The following MLLT10 variants were observed in gnomAD, a reference collection of about 807,000 sequenced individuals.
MLLT10 encodes MLLT10 histone lysine methyltransferase DOT1L cofactor.
In MLLT10, 30 loss-of-function variants were observed where a neutral mutation model predicts 129.1. That is an observed-to-expected ratio of 0.23 (90% CI 0.17 to 0.32). The LOEUF (loss-of-function observed/expected upper bound fraction) is 0.32, where lower values mean the gene tolerates loss of function less well. Ranked by LOEUF, MLLT10 falls within the 10% of genes least tolerant of loss-of-function variation. MLLT10 has a pLI of 1.00. For missense variants in MLLT10, 1,119 were observed against 1,268.3 expected (o/e 0.88, Z 1.79); for synonymous variants, 490 against 446.4 (o/e 1.10, Z -1.23).
chr10:21,603,219 A>ATTT (rs75168518), intron 5 of MLLT10, among the ~76,000 whole-genome samples: 3 of 128,658 alleles, frequency 2.3e-5, no homozygotes, highest in Non-Finnish European at 5.0e-5. Context: ...TGCTCGGCTA[A>ATTT]TTTTTTTTTT....
chr10:21,680,858 G>C (rs917630886), intron 11 of MLLT10, among the ~76,000 whole-genome samples: 7 of 151,896 alleles, frequency 4.6e-5, no homozygotes, highest in African/African-American at 1.7e-4. Flanking sequence ...TGTAGTCCCA[G>C]CTATTTGGGA....
At chr10:21,550,313 A>G (rs1184619440) in intron 3 of MLLT10, among the ~76,000 whole-genome samples, 1 of 152,138 alleles carries the variant, frequency 6.6e-6, no homozygotes, top group Non-Finnish European at 1.5e-5. Context: ...ATTTCTGTGC[A>G]GCTTCCCTAG....
intron 5 of MLLT10, among the ~76,000 whole-genome samples, chr10:21,604,376 G>A (rs1464073689): frequency 1.3e-5 from 2 of 152,090 alleles, no homozygotes; most frequent in African/African-American, 2.4e-5. Context: ...GATGACCTGA[G>A]GTCAGGAGTT....
chr10:21,547,596 C>T (rs1007660423), intron 3 of MLLT10, among the ~76,000 whole-genome samples: 1 of 151,202 alleles, frequency 6.6e-6, no homozygotes, highest in African/African-American at 2.4e-5. Flanking sequence ...TCTCGGCTCA[C>T]TGCAACCTCC....
In MLLT10 at chr10:21,726,281, C is replaced by T. The variant is rs764597429; in HGVS notation, c.1916C>T (p.Pro639Leu). 7 of 1,612,756 alleles carry T rather than the reference C, an allele frequency of 4.3e-6. No individual in the cohort carries two copies. The highest frequency in any genetic ancestry group is 5.9e-6 in the Non-Finnish European group (7 of 1,179,286). ...TCTGGATCTTCTCTCAGTCAGGCACCATCTCATATGTATGGCAATAGATCA... is the reference window on the plus strand; with the variant it reads ...TCTGGATCTTCTCTCAGTCAGGCACTATCTCATATGTATGGCAATAGATCA... ...TLSGSSLSQA[P>L]SHMYGNRSNS... The change falls in exon 15 of 23, where the codon CCA becomes CTA. Residue 639 changes from proline to leucine, a missense_variant. Coordinates refer to ENST00000307729, the MANE Select transcript of MLLT10 (RefSeq NM_001195626.3).
At chr10:21,610,730 C>T (rs1363409275) in intron 5 of MLLT10, among the ~76,000 whole-genome samples, 1 of 151,080 alleles carries the variant, frequency 6.6e-6, no homozygotes, top group Non-Finnish European at 1.5e-5. Context: ...TATTTGAGGC[C>T]TCTTTTGCAT....
At chr10:21,656,245 G>A (rs1415220806) in intron 9 of MLLT10, among the ~76,000 whole-genome samples, 2 of 152,242 alleles carry the variant, frequency 1.3e-5, no homozygotes, top group East Asian at 3.9e-4. Context: ...GATAGGGATA[G>A]GTCAGGGAAA....
chr10:21,658,194 G>A (rs963102819), intron 9 of MLLT10, among the ~76,000 whole-genome samples: 10 of 152,140 alleles, frequency 6.6e-5, no homozygotes, highest in Non-Finnish European at 2.9e-5. Flanking sequence ...TTTGACATAT[G>A]TACACATTAG....
intron 8 of MLLT10, among the ~76,000 whole-genome samples, chr10:21,648,171 T>A (rs2048684071): frequency 6.6e-6 from 1 of 152,226 alleles, no homozygotes; most frequent in South Asian, 2.1e-4. Context: ...TTTCTTAATC[T>A]GTTTAAATCA....
chr10:21,620,807 C>T lies in MLLT10; in HGVS notation c.699+3600C>T, dbSNP rs530820056. On this transcript the variant is annotated intron_variant, in intron 8 of 22. Coordinates refer to ENST00000307729, the MANE Select transcript of MLLT10 (RefSeq NM_001195626.3). The stretch of plus-strand genomic sequence containing the variant: ...CCAGGTTCAAGCGATTCTTCTGCCT[C>T]ACCCTCCCGAATAGCTGGGATTACA... 2.0e-5 allele frequency among the ~76,000 whole-genome samples: 3 copies of T among 151,970 alleles called. No homozygotes were observed. In the East Asian group the frequency reaches 5.8e-4, roughly 29 times the overall value.
At chr10:21,728,601 CTCTT>C (rs1217686660) in intron 16 of MLLT10, among the ~76,000 whole-genome samples, 1 of 152,070 alleles carries the variant, frequency 6.6e-6, no homozygotes, top group Admixed American at 6.6e-5. Flanking sequence ...TCTGTGCGTT[CTCTT>C]TGTTTTCTCC....
intron 9 of MLLT10, among the ~76,000 whole-genome samples, chr10:21,657,608 G>A (rs559566390): frequency 1.3e-5 from 2 of 152,020 alleles, no homozygotes; most frequent in African/African-American, 2.4e-5. Flanking sequence ...GTTTCTCAGC[G>A]TCATTATAAA....
In MLLT10 at chr10:21,730,903, C is replaced by T. The variant is rs745552160; in HGVS notation, c.2067C>T (p.Ser689=). 2 of 1,614,042 alleles carry T rather than the reference C, an allele frequency of 1.2e-6. No individual in the cohort carries two copies. Among genetic ancestry groups the T allele is most frequent in the South Asian group, 1.1e-5 (1 of 91,074 alleles). ...ACTTGAGAATTGTTTTCAACAGATC[C>T]CCTGTAAGCAGCTTACAGATTCGCT... ...SSPRGSLSPR[S]PVSSLQIRYD... is the part of the protein sequence containing the mutation. The change falls in exon 17 of 23, where the codon TCC becomes TCT. Residue 689 remains serine (S), a synonymous_variant. Coordinates refer to ENST00000307729, the MANE Select transcript of MLLT10 (RefSeq NM_001195626.3).
At chr10:21,554,226 C>T (rs1054048573) in intron 3 of MLLT10, among the ~76,000 whole-genome samples, 1 of 152,162 alleles carries the variant, frequency 6.6e-6, no homozygotes, top group Non-Finnish European at 1.5e-5. Context: ...ACTTTCTAAT[C>T]TGATCCTATA....
chr10:21,732,844 A>C, intron 17 of MLLT10, 55 bp from the exon 18 acceptor site: 1 of 1,443,704 alleles, frequency 6.9e-7, no homozygotes, highest in Non-Finnish European at 9.5e-7. Context: ...TGCGTAAAAT[A>C]CTTAGTCTTA....
chr10:21,596,996 G>T (rs2043082204), intron 5 of MLLT10, among the ~76,000 whole-genome samples: 1 of 151,954 alleles, frequency 6.6e-6, no homozygotes, highest in Non-Finnish European at 1.5e-5. Context: ...GCTGTGCAAA[G>T]AAAATCTTTA....
intron 8 of MLLT10, chr10:21,625,332 C>G: frequency 1.3e-6 from 1 of 769,686 alleles, no homozygotes; most frequent in Non-Finnish European, 2.3e-6. Context: ...TCAGAATGAA[C>G]AAATGCATAA....
chr10:21,544,244 T>C (rs2035721190), intron 3 of MLLT10, among the ~76,000 whole-genome samples: 1 of 152,242 alleles, frequency 6.6e-6, no homozygotes, highest in Admixed American at 6.5e-5. Context: ...AAGATGACGA[T>C]ACCTCAGCTC....
Position 21,595,435 on chromosome 10 carries a change from A to G in MLLT10, c.400A>G (p.Asn134Asp). 1 of 1,608,382 alleles carries G rather than the reference A, an allele frequency of 6.2e-7. No homozygotes were observed. Among genetic ancestry groups the G allele is most frequent in the Non-Finnish European group, 8.5e-7 (1 of 1,175,356 alleles). Residue 134 changes from asparagine (N) to aspartate (D), a missense_variant, in exon 5 of 23, where the codon AAT (asparagine) becomes GAT (aspartate). Physicochemically the swap from Asn to Asp is conservative, Grantham distance 23 (BLOSUM62 1). Around this residue, in one of 5 missense-constraint regions of MLLT10, gnomAD observed 44 missense variants for 114.3 expected, o/e 0.38. Coordinates refer to ENST00000307729, the MANE Select transcript of MLLT10 (RefSeq NM_001195626.3). The part of the protein sequence containing the change: ...VLQSVPHDRY[N>D]KTCYICDEQG... ...ACAGTCTGTTCCGCATGATCGTTAT[A>G]ATAAGGTACAGTGGATATTATTTTA... is the stretch of plus-strand genomic sequence containing the variant.
Sources: gnomAD v4.1 joint callset for allele counts (sites outside exome capture counted in the v4.1 genomes callset) on GRCh38, gnomAD v4.1.1 for gene constraint, gnomAD v4.1.1 regional missense constraint, MANE v1.5 for transcripts, NCBI Gene and HGNC (gene_info 2026-07-23, HGNC 2026-07-21) for gene names.